SYNDIG1: variants seen among roughly 807,000 people sequenced by gnomAD.
SYNDIG1 encodes the protein synapse differentiation-inducing gene protein 1.
In SYNDIG1, 9 loss-of-function variants were observed where a neutral mutation model predicts 19.4. The observed-to-expected ratio is 0.46, with a 90% CI of 0.28 to 0.81. SYNDIG1 has a LOEUF of 0.81. SYNDIG1 is among the 30% of genes least tolerant of loss of function. The probability of loss-of-function intolerance (pLI) is 0.12; values close to 1 mark genes in which losing one functional copy is unlikely to be tolerated. For missense variants in SYNDIG1, 311 were observed against 343.3 expected (o/e 0.91, Z 0.74); for synonymous variants, 141 against 145.9 (o/e 0.97, Z 0.24).
intron 2 of SYNDIG1, among the ~76,000 whole-genome samples, chr20:24,582,686 T>C (rs1313240421): frequency 8.5e-5 from 13 of 152,084 alleles, no homozygotes; most frequent in Admixed American, 8.5e-4. Flanking sequence ...CCACTTTTTT[T>C]CCCCCTTAGC....
rs2057504307 is a variant in SYNDIG1 at position 24,543,275 on chromosome 20, G to A, written c.178G>A (p.Ala60Thr). 7 of 1,613,514 alleles carry A rather than the reference G, an allele frequency of 4.3e-6. No individual in the cohort carries two copies. Among genetic ancestry groups the A allele is most frequent in the Non-Finnish European group, 5.9e-6 (7 of 1,180,040 alleles). The change falls in exon 2 of 4, where the codon GCC becomes ACC. Residue 60 changes from alanine (A) to threonine (T), a missense_variant. Transcript: ENST00000376862. ...SHRVGASTVP[A>T]SLDSSRSEPM... is the part of the protein sequence containing the mutation. Reference sequence around the variant, plus strand: ...CCGGGTGGGGGCCAGCACAGTGCCGGCCAGCCTGGACAGCAGCAGGAGTGA... The same window carrying A: ...CCGGGTGGGGGCCAGCACAGTGCCGACCAGCCTGGACAGCAGCAGGAGTGA...
intron 1 of SYNDIG1, among the ~76,000 whole-genome samples, chr20:24,488,060 T>C (rs1055192936): frequency 1.3e-5 from 2 of 152,204 alleles, no homozygotes; most frequent in Non-Finnish European, 2.9e-5. Flanking sequence ...GACTCCATTT[T>C]AACCCACCAA....
At chr20:24,580,564 G>A (rs1331462428) in intron 2 of SYNDIG1, among the ~76,000 whole-genome samples, 1 of 152,004 alleles carries the variant, frequency 6.6e-6, no homozygotes, top group Middle Eastern at 3.4e-3. Context: ...CATGCACCAC[G>A]AAGCTCAGCT....
chr20:24,493,204 T>C (rs1473919184), intron 1 of SYNDIG1, among the ~76,000 whole-genome samples: 1 of 152,256 alleles, frequency 6.6e-6, no homozygotes, highest in African/African-American at 2.4e-5. Context: ...CACATACTTA[T>C]AATCCAAGTA....
At chr20:24,494,302 A>G (rs1194936248) in intron 1 of SYNDIG1, among the ~76,000 whole-genome samples, 1 of 152,304 alleles carries the variant, frequency 6.6e-6, no homozygotes, top group Non-Finnish European at 1.5e-5. Flanking sequence ...TGGGGGCATG[A>G]GCAGGGAGGA....
At chr20:24,603,574 G>A (rs2058710644) in intron 3 of SYNDIG1, among the ~76,000 whole-genome samples, 1 of 152,324 alleles carries the variant, frequency 6.6e-6, no homozygotes, top group South Asian at 2.1e-4. Flanking sequence ...CAGCAGAAGG[G>A]AGACATGGAC....
chr20:24,509,867 C>T (rs923067982), intron 1 of SYNDIG1, among the ~76,000 whole-genome samples: 35 of 152,240 alleles, frequency 2.3e-4, no homozygotes, highest in African/African-American at 8.2e-4. Context: ...GAGGTAGGGC[C>T]TTGTGGGAGG....
intron 1 of SYNDIG1, among the ~76,000 whole-genome samples, chr20:24,526,712 G>A (rs1388529630): frequency 6.6e-6 from 1 of 152,056 alleles, no homozygotes; most frequent in Non-Finnish European, 1.5e-5. Flanking sequence ...TTCCTAAAGT[G>A]CATCCTTTAG....
chr20:24,474,635 A>G (rs935256440), intron 1 of SYNDIG1, among the ~76,000 whole-genome samples: 5 of 152,224 alleles, frequency 3.3e-5, no homozygotes, highest in African/African-American at 9.7e-5. Flanking sequence ...TGTCAATAAC[A>G]TTCATTTTTA....
At position 24,617,456 on chromosome 20, in the gene SYNDIG1, T is replaced by G. The variant is rs573009500; in HGVS notation, c.618+32463T>G. 2.0e-5 allele frequency among the ~76,000 whole-genome samples: 3 copies of G among 152,276 alleles called. No homozygotes were observed. In the East Asian group the frequency reaches 5.8e-4, roughly 29 times the overall value. On this transcript the variant is annotated intron_variant, in intron 3 of 3. Transcript: ENST00000376862. ...TCCTCACAGTCACAGCTGCATCCTTTGGAGATGCAGCAGCAATGCCTGTGA... is the reference window on the plus strand; with the variant it reads ...TCCTCACAGTCACAGCTGCATCCTTGGGAGATGCAGCAGCAATGCCTGTGA...
chr20:24,640,372 G>A (rs1224960885), intron 3 of SYNDIG1, among the ~76,000 whole-genome samples: 1 of 142,614 alleles, frequency 7.0e-6, no homozygotes, highest in Non-Finnish European at 1.6e-5. Context: ...AGAGAGAGAG[G>A]AAGGGAGGAA....
chr20:24,658,543 C>T lies in SYNDIG1; in HGVS notation c.619-6803C>T, dbSNP rs2059552040. Among the ~76,000 whole-genome samples, 2 of 152,092 alleles carry T rather than the reference C, an allele frequency of 1.3e-5. No individual in the cohort carries two copies. Among genetic ancestry groups the T allele is most frequent in the Admixed American group, 1.3e-4 (2 of 15,278 alleles). On this transcript the variant is annotated intron_variant, in intron 3 of 3. Coordinates refer to ENST00000376862, the MANE Select transcript of SYNDIG1 (RefSeq NM_024893.3). The surrounding 1 kb of genome is among the most constrained non-coding windows in gnomAD (Gnocchi z 4.4). ...GGGCTTCCCCCTCCCACGGTCACCC[C>T]TGTGTCCTTCATCTTGCAGCCGTTT...
chr20:24,584,722 C>G (rs1015839461), intron 2 of SYNDIG1, 134 bp from the exon 3 acceptor site: 4 of 1,222,836 alleles, frequency 3.3e-6, no homozygotes, highest in Non-Finnish European at 3.5e-6. Context: ...ATGACTCGAA[C>G]AACGTCAGCA....
At chr20:24,583,440 T>C (rs920164158) in intron 2 of SYNDIG1, among the ~76,000 whole-genome samples, 1 of 152,204 alleles carries the variant, frequency 6.6e-6, no homozygotes, top group Admixed American at 6.5e-5. Flanking sequence ...GGCAGAGAGC[T>C]AGGAAGCCAG....
At chr20:24,626,676 C>T (rs1356972987) in intron 3 of SYNDIG1, among the ~76,000 whole-genome samples, 13 of 152,236 alleles carry the variant, frequency 8.5e-5, no homozygotes, top group Non-Finnish European at 1.3e-4. Context: ...GATGGGGTAG[C>T]GGCCGGGCAG....
chr20:24,515,542 T>C (rs2056843320), intron 1 of SYNDIG1, among the ~76,000 whole-genome samples: 1 of 151,508 alleles, frequency 6.6e-6, no homozygotes, highest in Admixed American at 6.6e-5. Context: ...TATACACCAA[T>C]AACAGACAAA....
chr20:24,486,641 T>C (rs866221391), intron 1 of SYNDIG1, among the ~76,000 whole-genome samples: 17 of 150,984 alleles, frequency 1.1e-4, no homozygotes, highest in Admixed American at 1.3e-4. Flanking sequence ...TTCTTTCATT[T>C]ATTTATTTAT....
At chr20:24,474,495 A>T (rs114174029) in intron 1 of SYNDIG1, among the ~76,000 whole-genome samples, 1 of 152,270 alleles carries the variant, frequency 6.6e-6, no homozygotes, top group Admixed American at 6.5e-5. Context: ...CCCAGGGGAT[A>T]ACCTTGCCTG....
intron 2 of SYNDIG1, among the ~76,000 whole-genome samples, chr20:24,562,666 C>A (rs1212624071): frequency 2.0e-5 from 3 of 152,132 alleles, no homozygotes; most frequent in Admixed American, 6.5e-5. Flanking sequence ...GGGGTGCTGG[C>A]ATCTATCCAA....
Sources: gnomAD v4.1 joint callset for allele counts (sites outside exome capture counted in the v4.1 genomes callset) on GRCh38, gnomAD v4.1.1 for gene constraint, Gnocchi (gnomAD v3.1) non-coding constraint, MANE v1.5 for transcripts, NCBI Gene and HGNC (gene_info 2026-07-23, HGNC 2026-07-21) for gene names.